The following FSIP1 variants were observed in gnomAD, a reference collection of about 807,000 sequenced individuals.
FSIP1 encodes the protein fibrous sheath-interacting protein 1.
Under a neutral mutation model 60.9 loss-of-function variants are expected in FSIP1, and 65 were observed. The observed-to-expected ratio is 1.07, with a 90% CI of 0.87 to 1.31. The LOEUF (loss-of-function observed/expected upper bound fraction) is 1.31. Among genes scored for constraint, FSIP1 ranks in the 40% most tolerant of loss-of-function variants. The pLI is 0.00. For synonymous variants in FSIP1, 209 were observed against 221.2 expected, an observed-to-expected ratio of 0.94 and a Z score of 0.49; for missense variants, 675 against 665.5, an observed-to-expected ratio of 1.01 and a Z score of -0.16.
intron 10 of FSIP1, among the ~76,000 whole-genome samples, chr15:39,701,022 C>T (rs771576793): frequency 2.0e-5 from 3 of 152,042 alleles, no homozygotes; most frequent in Non-Finnish European, 4.4e-5. Flanking sequence ...CATGGTGGTG[C>T]GTGCCTGTAG....
intron 9 of FSIP1, among the ~76,000 whole-genome samples, chr15:39,724,965 G>C (rs1245227849): frequency 6.6e-6 from 1 of 152,154 alleles, no homozygotes; most frequent in Non-Finnish European, 1.5e-5. Flanking sequence ...GGATGCAGTG[G>C]CTCATGCCTG....
intron 10 of FSIP1, among the ~76,000 whole-genome samples, chr15:39,626,994 C>T (rs1464538233): frequency 2.0e-5 from 3 of 151,954 alleles, no homozygotes; most frequent in African/African-American, 7.3e-5. Flanking sequence ...ACCCCAATCA[C>T]AGAGAACACT....
intron 1 of FSIP1, among the ~76,000 whole-genome samples, chr15:39,780,537 T>A (rs1057014279): frequency 5.9e-5 from 9 of 152,044 alleles, no homozygotes; most frequent in African/African-American, 1.2e-4. Flanking sequence ...GAAAAAAAAA[T>A]TTATTTTATC....
chr15:39,678,835 C>A (rs1204594531), intron 10 of FSIP1, among the ~76,000 whole-genome samples: 1 of 152,262 alleles, frequency 6.6e-6, no homozygotes, highest in African/African-American at 2.4e-5. Flanking sequence ...CCATACAAAC[C>A]AAACCACAAA....
intron 2 of FSIP1, among the ~76,000 whole-genome samples, chr15:39,773,953 A>G (rs1897970652): frequency 6.6e-6 from 1 of 152,232 alleles, no homozygotes; most frequent in Non-Finnish European, 1.5e-5. Context: ...TGGTAGTTAT[A>G]TCACTCAATC....
intron 10 of FSIP1, among the ~76,000 whole-genome samples, chr15:39,626,042 T>C (rs28549326): frequency 0.2 from 30,250 of 151,956 alleles, 3,677 homozygotes; most frequent in African/African-American, 0.34. Context: ...ATGGGGTCAG[T>C]AGTCAAGGAG....
intron 10 of FSIP1, among the ~76,000 whole-genome samples, chr15:39,709,722 A>G (rs1895420367): frequency 6.6e-6 from 1 of 152,284 alleles, no homozygotes; most frequent in Non-Finnish European, 1.5e-5. Flanking sequence ...ATCAGGCATT[A>G]GATTTTCACA....
intron 10 of FSIP1, among the ~76,000 whole-genome samples, chr15:39,705,815 T>A (rs1313867591): frequency 1.3e-5 from 2 of 152,034 alleles, no homozygotes; most frequent in African/African-American, 4.8e-5. Context: ...CTGGCCAACA[T>A]GGCAAAACCC....
downstream of FSIP1, chr15:39,599,163 A>G (rs1388176263): frequency 1.3e-5 from 2 of 152,200 alleles, no homozygotes; most frequent in East Asian, 3.8e-4. Flanking sequence ...GGGAAATCCA[A>G]AATAAAAACA....
chr15:39,687,137 C>CATTT, intron 10 of FSIP1, among the ~76,000 whole-genome samples: 1 of 115,456 alleles, frequency 8.7e-6, no homozygotes, highest in Non-Finnish European at 1.7e-5. Flanking sequence ...TTTTCTTTTC[C>CATTT]TTTTTTTTTT....
chr15:39,648,956 AT>A (rs1892749502), intron 10 of FSIP1, among the ~76,000 whole-genome samples: 1 of 149,064 alleles, frequency 6.7e-6, no homozygotes, highest in Non-Finnish European at 1.5e-5. Flanking sequence ...TTTTTTTTTT[AT>A]TTGGGTTTTT....
At chr15:39,669,560 C>A (rs1463560818) in intron 10 of FSIP1, among the ~76,000 whole-genome samples, 1 of 152,160 alleles carries the variant, frequency 6.6e-6, no homozygotes, top group African/African-American at 2.4e-5. Flanking sequence ...AGAAAGATAT[C>A]TTTATTTCAT....
chr15:39,688,020 G>A (rs1393783745), intron 10 of FSIP1, among the ~76,000 whole-genome samples: 1 of 152,160 alleles, frequency 6.6e-6, no homozygotes, highest in Non-Finnish European at 1.5e-5. Flanking sequence ...AGGCTAAGGG[G>A]CCTGCCAAGC....
At chr15:39,712,826 A>G (rs1361924674) in intron 10 of FSIP1, among the ~76,000 whole-genome samples, 5 of 152,208 alleles carry the variant, frequency 3.3e-5, no homozygotes, top group African/African-American at 1.2e-4. Context: ...CAAGAAAAAC[A>G]TGAAGTAGGC....
At chr15:39,774,765 T>C (rs148378452) in intron 2 of FSIP1, among the ~76,000 whole-genome samples, 22 of 152,310 alleles carry the variant, frequency 1.4e-4, no homozygotes, top group Middle Eastern at 3.4e-3. Context: ...AAGTTCCTGA[T>C]AGGAAGCTGG....
chr15:39,606,841 G>A (rs1214347773), intron 11 of FSIP1, among the ~76,000 whole-genome samples: 2 of 152,176 alleles, frequency 1.3e-5, no homozygotes, highest in African/African-American at 4.8e-5. Flanking sequence ...TGCTTAGTAG[G>A]AAGGGAGAAT....
chr15:39,719,285 G>C (rs959147372), intron 9 of FSIP1, among the ~76,000 whole-genome samples: 4 of 152,172 alleles, frequency 2.6e-5, no homozygotes, highest in Non-Finnish European at 5.9e-5. Context: ...TATTTAATCA[G>C]ATTATCTGAC....
At chr15:39,618,379 T>C (rs1001152918) in intron 10 of FSIP1, 134 bp from the exon 11 acceptor site, 5 of 714,338 alleles carry the variant, frequency 7.0e-6, no homozygotes, top group Non-Finnish European at 6.7e-6. Flanking sequence ...AAATAATTCA[T>C]TGTAAAGTAT....
intron 10 of FSIP1, among the ~76,000 whole-genome samples, chr15:39,649,246 C>T (rs1892763841): frequency 6.6e-6 from 1 of 152,194 alleles, no homozygotes; most frequent in Non-Finnish European, 1.5e-5. Context: ...ACCTGTAAAG[C>T]CAGTGTGGCT....
Sources: gnomAD v4.1 joint callset for allele counts (sites outside exome capture counted in the v4.1 genomes callset) on GRCh38, gnomAD v4.1.1 for gene constraint, MANE v1.5 for transcripts, NCBI Gene and HGNC (gene_info 2026-07-23, HGNC 2026-07-21) for gene names.